The following ARFIP1 variants were observed in gnomAD, a reference collection of about 807,000 sequenced individuals.
ARFIP1 encodes ARF interacting protein 1, also known as arfaptin-1.
A neutral mutation model predicts 42.5 loss-of-function variants in ARFIP1; 24 were observed. The observed-to-expected ratio is 0.57, with a 90% confidence interval of 0.41 to 0.80. The LOEUF (loss-of-function observed/expected upper bound fraction) is 0.80. Ranked by LOEUF, ARFIP1 falls within the 30% of genes least tolerant of loss-of-function variation. The pLI, the probability that ARFIP1 is intolerant of heterozygous loss-of-function variation, is 0.00. For synonymous variants in ARFIP1, 141 were observed against 153.7 expected (o/e 0.92, Z 0.61); for missense variants, 354 against 434.0 (o/e 0.82, Z 1.64).
intron 2 of ARFIP1, among the ~76,000 whole-genome samples, chr4:152,853,906 T>C (rs990374782): frequency 5.5e-4 from 29 of 52,566 alleles, no homozygotes; most frequent in Non-Finnish European, 1.3e-3. Context: ...TCTGAGATTC[T>C]TTTTTTTTTT....
At chr4:152,831,371 A>G (rs1731227858) in intron 2 of ARFIP1, among the ~76,000 whole-genome samples, 3 of 152,244 alleles carry the variant, frequency 2.0e-5, no homozygotes, top group South Asian at 2.1e-4. Context: ...CCTTTATCCA[A>G]GAGTAATGCA....
intron 1 of ARFIP1, among the ~76,000 whole-genome samples, chr4:152,819,276 C>T (rs1236324078): frequency 1.3e-5 from 2 of 152,144 alleles, no homozygotes; most frequent in Non-Finnish European, 2.9e-5. Context: ...TGTGGCATGA[C>T]CTCAACTATT....
rs73865246 is a variant in ARFIP1 at position 152,801,496 on chromosome 4, G to A, written c.-10+21270G>A. Among the ~76,000 whole-genome samples, 675 of 152,204 alleles carry A rather than the reference G, an allele frequency of 4.4e-3. 4 individuals are homozygous for A. Among genetic ancestry groups the A allele is most frequent in the African/African-American group, 0.015 (633 of 41,524 alleles). ...CTTTCCCTAGAGTAAATGAATTTCT[G>A]TATCATCTGTGTTCAGTAATTATCC... On this transcript the variant is annotated intron_variant, in intron 1 of 8. Transcript: ENST00000353617.
intron 1 of ARFIP1, among the ~76,000 whole-genome samples, chr4:152,811,493 C>T (rs1008471642): frequency 6.6e-5 from 10 of 152,040 alleles, no homozygotes; most frequent in Admixed American, 5.9e-4. Context: ...AAGAATATTT[C>T]GAGCATTGTG....
chr4:152,907,361 G>A (rs1002935276), intron 8 of ARFIP1, among the ~76,000 whole-genome samples: 3 of 121,996 alleles, frequency 2.5e-5, no homozygotes, highest in Admixed American at 1.7e-4. Flanking sequence ...TTTAATAAAA[G>A]AATGTTTAAC....
At chr4:152,796,911 C>T in intron 1 of ARFIP1, 1 of 377,220 alleles carries the variant, frequency 2.7e-6, no homozygotes, top group Non-Finnish European at 4.8e-6. Flanking sequence ...TTTAAGAATT[C>T]TTTATATATT....
intron 8 of ARFIP1, among the ~76,000 whole-genome samples, chr4:152,889,778 ATATACTATATATTATATAC>A (rs1561173566): frequency 5.8e-4 from 13 of 22,464 alleles, no homozygotes; most frequent in African/African-American, 2.4e-3. Flanking sequence ...TATATACTAT[ATATACTATATATTATATAC>A]TATACTATAT....
intron 2 of ARFIP1, among the ~76,000 whole-genome samples, chr4:152,861,164 A>T (rs1378805450): frequency 6.6e-6 from 1 of 152,202 alleles, no homozygotes; most frequent in African/African-American, 2.4e-5. Context: ...AAAGAAGTTT[A>T]GTGATAGAGA....
At chr4:152,871,662 T>G (rs1391977784) in intron 4 of ARFIP1, among the ~76,000 whole-genome samples, 2 of 152,104 alleles carry the variant, frequency 1.3e-5, no homozygotes, top group Admixed American at 1.3e-4. Flanking sequence ...TCTTTTTAAA[T>G]TATTAGAAAG....
intron 1 of ARFIP1, among the ~76,000 whole-genome samples, chr4:152,793,924 C>A (rs1731278806): frequency 6.6e-6 from 1 of 152,168 alleles, no homozygotes; most frequent in African/African-American, 2.4e-5. Flanking sequence ...CAGGTTCCTT[C>A]TTCCTTTATT....
chr4:152,858,224 G>A (rs1446513136), intron 2 of ARFIP1, among the ~76,000 whole-genome samples: 2 of 152,242 alleles, frequency 1.3e-5, no homozygotes, highest in African/African-American at 2.4e-5. Context: ...CCCAGGGGGT[G>A]GAGGTTACAG....
chr4:152,865,788 G>T (rs1161728579), intron 3 of ARFIP1, among the ~76,000 whole-genome samples: 1 of 152,002 alleles, frequency 6.6e-6, no homozygotes, highest in Non-Finnish European at 1.5e-5. Context: ...GCATAATTTG[G>T]TACCATTTTT....
intron 1 of ARFIP1, among the ~76,000 whole-genome samples, chr4:152,782,847 G>A (rs1480526571): frequency 6.6e-6 from 1 of 152,076 alleles, no homozygotes; most frequent in South Asian, 2.1e-4. Context: ...TGTTGATTGA[G>A]GGTTGCAGTT....
chr4:152,787,731 A>G (rs1031814319), intron 1 of ARFIP1, among the ~76,000 whole-genome samples: 2 of 152,246 alleles, frequency 1.3e-5, no homozygotes, highest in African/African-American at 4.8e-5. Context: ...AGCTATGTGT[A>G]TAAGGTGTAT....
At chr4:152,836,258 T>C (rs1731640992) in intron 2 of ARFIP1, among the ~76,000 whole-genome samples, 1 of 152,242 alleles carries the variant, frequency 6.6e-6, no homozygotes, top group Admixed American at 6.5e-5. Context: ...TGAAATGTGC[T>C]GAGAGTAGAT....
chr4:152,785,447 C>T (rs1361712819), intron 1 of ARFIP1, among the ~76,000 whole-genome samples: 1 of 152,094 alleles, frequency 6.6e-6, no homozygotes, highest in Admixed American at 6.5e-5. Flanking sequence ...GGTTTAAGCC[C>T]GTGATCTGTA....
chr4:152,880,738 A>G (rs1164934013), intron 5 of ARFIP1, among the ~76,000 whole-genome samples: 1 of 152,208 alleles, frequency 6.6e-6, no homozygotes, highest in Admixed American at 6.5e-5. Flanking sequence ...TTATGGCAGT[A>G]TATAAGTTTG....
chr4:152,852,566 G>A (rs1733081818), intron 2 of ARFIP1, among the ~76,000 whole-genome samples: 1 of 151,910 alleles, frequency 6.6e-6, no homozygotes, highest in South Asian at 2.1e-4. Context: ...CTGGGAGGCG[G>A]AGGTTGCAGT....
intron 7 of ARFIP1, among the ~76,000 whole-genome samples, chr4:152,884,857 T>A (rs1468310114): frequency 6.6e-6 from 1 of 152,010 alleles, no homozygotes; most frequent in Non-Finnish European, 1.5e-5. Flanking sequence ...GATTATAAAA[T>A]ACAGTATATA....
Sources: gnomAD v4.1 joint callset for allele counts (sites outside exome capture counted in the v4.1 genomes callset) on GRCh38, gnomAD v4.1.1 for gene constraint, MANE v1.5 for transcripts, NCBI Gene and HGNC (gene_info 2026-07-23, HGNC 2026-07-21) for gene names.